CNTLN: variants seen among roughly 807,000 people sequenced by gnomAD.
CNTLN encodes the protein centlein, centrosomal protein.
Under a neutral mutation model 180.0 loss-of-function variants are expected in CNTLN, and 212 were observed. That is an observed-to-expected ratio of 1.18 (90% confidence interval 1.05 to 1.32). The LOEUF (loss-of-function observed/expected upper bound fraction) is 1.32, where lower values mean the gene tolerates loss of function less well. Ranked by LOEUF, CNTLN falls within the 40% of genes most tolerant of loss-of-function variation. The probability of loss-of-function intolerance (pLI) is 0.00; values close to 1 mark genes in which losing one functional copy is unlikely to be tolerated. For missense variants in CNTLN, 2,095 were observed against 1,610.9 expected (o/e 1.30, Z -5.14); for synonymous variants, 722 against 563.1 (o/e 1.28, Z -3.99).
intron 13 of CNTLN, among the ~76,000 whole-genome samples, chr9:17,384,515 A>G (rs1429435725): frequency 4.6e-5 from 7 of 152,132 alleles, no homozygotes; most frequent in Admixed American, 4.6e-4. Flanking sequence ...CAAGTGTAAC[A>G]GTCATATCAA....
rs142894107 is a variant in CNTLN at position 17,365,079 on chromosome 9, T to C, written c.1887-1538T>C. ...AGGGCCATGGGTCTAAATGTCCATC[T>C]GATATGGTTTGGATTTGTGTCCCTG... On this transcript the variant is annotated intron_variant, in intron 12 of 25. Transcript: ENST00000380647. 3.0e-3 allele frequency among the ~76,000 whole-genome samples: 455 copies of C among 152,350 alleles called. 4 individuals carry two copies. Among genetic ancestry groups the C allele is most frequent in the African/African-American group, 0.01 (431 of 41,596 alleles).
intron 2 of CNTLN, among the ~76,000 whole-genome samples, chr9:17,188,827 CTG>C (rs1201991867): frequency 6.6e-6 from 1 of 151,882 alleles, no homozygotes; most frequent in African/African-American, 2.4e-5. Flanking sequence ...TTTATAAAAA[CTG>C]TTTCAAGGTT....
intron 8 of CNTLN, among the ~76,000 whole-genome samples, chr9:17,318,413 A>G (rs926932987): frequency 6.6e-6 from 1 of 152,198 alleles, no homozygotes; most frequent in Non-Finnish European, 1.5e-5. Flanking sequence ...AGGGAGACAA[A>G]TTTAACAGGC....
intron 2 of CNTLN, among the ~76,000 whole-genome samples, chr9:17,215,941 G>A (rs1310116788): frequency 6.6e-6 from 1 of 152,140 alleles, no homozygotes; most frequent in Non-Finnish European, 1.5e-5. Flanking sequence ...TTTTCCAGGT[G>A]CTGGTTGTCA....
At chr9:17,387,919 C>G (rs1351493111) in intron 13 of CNTLN, among the ~76,000 whole-genome samples, 2 of 143,586 alleles carry the variant, frequency 1.4e-5, no homozygotes, top group African/African-American at 5.2e-5. Context: ...ACCTGAAGAT[C>G]TATTGTACTT....
intron 12 of CNTLN, among the ~76,000 whole-genome samples, chr9:17,349,885 A>T (rs1045318823): frequency 2.0e-5 from 3 of 152,182 alleles, no homozygotes; most frequent in African/African-American, 7.2e-5. Flanking sequence ...AACATACAGT[A>T]TAGTTTCAAG....
intron 25 of CNTLN, 49 bp downstream of exon 25, chr9:17,487,115 A>C: frequency 7.9e-7 from 1 of 1,269,674 alleles, no homozygotes; most frequent in Non-Finnish European, 1.1e-6. Context: ...TAAGAATTCC[A>C]AGCCTTACAT....
chr9:17,324,141 T>G (rs1356762405), intron 8 of CNTLN, among the ~76,000 whole-genome samples: 1 of 152,210 alleles, frequency 6.6e-6, no homozygotes, highest in Non-Finnish European at 1.5e-5. Flanking sequence ...AAATTTTGGT[T>G]GTTTTACTGG....
downstream of CNTLN, among the ~76,000 whole-genome samples, chr9:17,504,844 A>T (rs73418370): frequency 9.3e-3 from 1,415 of 152,310 alleles, 18 homozygotes; most frequent in African/African-American, 0.032. Flanking sequence ...CAGCACCTTG[A>T]CTTTACCCCA....
chr9:17,439,248 A>G (rs1443579262), intron 18 of CNTLN, among the ~76,000 whole-genome samples: 4 of 152,206 alleles, frequency 2.6e-5, no homozygotes, highest in Admixed American at 6.5e-5. Flanking sequence ...AAAGATATAC[A>G]TTATTTTAAC....
chr9:17,155,823 C>T (rs1819242350), intron 2 of CNTLN, among the ~76,000 whole-genome samples: 1 of 152,100 alleles, frequency 6.6e-6, no homozygotes, highest in South Asian at 2.1e-4. Context: ...GGTGTCTGCC[C>T]AATTGGCTGC....
intron 3 of CNTLN, among the ~76,000 whole-genome samples, chr9:17,233,499 C>T (rs184740241): frequency 1.3e-5 from 2 of 152,182 alleles, no homozygotes; most frequent in Admixed American, 6.5e-5. Context: ...GTAACTAAAT[C>T]GATTTAATGA....
At chr9:17,344,706 G>A (rs1035798038) in intron 12 of CNTLN, among the ~76,000 whole-genome samples, 3 of 152,134 alleles carry the variant, frequency 2.0e-5, no homozygotes, top group African/African-American at 7.2e-5. Context: ...TTAAATATCA[G>A]TGCTATAGTC....
At chr9:17,490,053 A>G (rs1276204831) in intron 25 of CNTLN, among the ~76,000 whole-genome samples, 1 of 152,172 alleles carries the variant, frequency 6.6e-6, no homozygotes, top group Admixed American at 6.6e-5. Context: ...AGAAACCACC[A>G]AAATTACTTT....
At chr9:17,163,340 G>A (rs911042752) in intron 2 of CNTLN, among the ~76,000 whole-genome samples, 1 of 152,120 alleles carries the variant, frequency 6.6e-6, no homozygotes, top group Non-Finnish European at 1.5e-5. Context: ...TTATTGTTAT[G>A]ATAATTATGC....
chr9:17,266,048 C>G (rs914426284), intron 5 of CNTLN, among the ~76,000 whole-genome samples: 16 of 152,026 alleles, frequency 1.1e-4, no homozygotes, highest in Non-Finnish European at 1.8e-4. Flanking sequence ...TTCAGTTCTG[C>G]TCTGATGTTA....
intron 6 of CNTLN, among the ~76,000 whole-genome samples, chr9:17,276,383 G>A (rs1423805217): frequency 1.3e-5 from 2 of 152,066 alleles, no homozygotes; most frequent in African/African-American, 2.4e-5. Flanking sequence ...GAATCTTTAT[G>A]TTGTAATCAA....
chr9:17,284,529 T>A (rs1292707766), intron 6 of CNTLN, among the ~76,000 whole-genome samples: 1 of 152,200 alleles, frequency 6.6e-6, no homozygotes, highest in African/African-American at 2.4e-5. Context: ...TCTTCTAGAT[T>A]TTCTAGTTTA....
intron 2 of CNTLN, among the ~76,000 whole-genome samples, chr9:17,196,448 T>A (rs1328597048): frequency 6.6e-6 from 1 of 152,142 alleles, no homozygotes; most frequent in Non-Finnish European, 1.5e-5. Flanking sequence ...CATAAAAATT[T>A]AGTTTAAAGC....
Sources: allele counts gnomAD v4.1 joint callset (sites outside exome capture counted in the v4.1 genomes callset), GRCh38; gene constraint gnomAD v4.1.1; transcripts MANE v1.5; gene names NCBI Gene and HGNC (gene_info 2026-07-23, HGNC 2026-07-21).